Variants in PTPRA observed in about 807,000 individuals in gnomAD.
PTPRA encodes protein tyrosine phosphatase receptor type A, also known as receptor-type tyrosine-protein phosphatase alpha.
Under a neutral mutation model 104.8 loss-of-function variants are expected in PTPRA, and 25 were observed. That is an observed-to-expected ratio of 0.24 (90% CI 0.17 to 0.33). The LOEUF is 0.33. Ranked by LOEUF, PTPRA falls within the 10% of genes least tolerant of loss-of-function variation. PTPRA has a pLI of 1.00. For synonymous variants in PTPRA, 323 were observed against 368.9 expected (o/e 0.88, Z 1.43); for missense variants, 765 against 1,015.3 (o/e 0.75, Z 3.35).
At chr20:2,967,273 G>A (rs114435185) in intron 5 of PTPRA, among the ~76,000 whole-genome samples, 3,597 of 152,198 alleles carry the variant, frequency 0.024, 122 homozygotes, top group African/African-American at 0.069. Flanking sequence ...CACAGTTCAC[G>A]TCATAGGAGG....
chr20:2,910,145 T>C (rs1368170701), intron 1 of PTPRA, among the ~76,000 whole-genome samples: 1 of 99,210 alleles, frequency 1.0e-5, no homozygotes, highest in Non-Finnish European at 1.9e-5. Flanking sequence ...TATAACATCA[T>C]ATATACTATA....
At chr20:3,001,260 C>T (rs1469808362) in intron 9 of PTPRA, among the ~76,000 whole-genome samples, 3 of 152,174 alleles carry the variant, frequency 2.0e-5, no homozygotes, top group South Asian at 2.1e-4. Context: ...TTGCATCTAG[C>T]GCTGTGTTCT....
At chr20:2,947,961 T>G in intron 2 of PTPRA, 21 bp from the exon 3 acceptor site, 1 of 1,040,722 alleles carries the variant, frequency 9.6e-7, no homozygotes, top group Non-Finnish European at 1.3e-6. Flanking sequence ...AATTAACTGT[T>G]TTTTATTTCT....
At position 2,982,277 on chromosome 20, in the gene PTPRA, C is replaced by T. The variant is rs137969315; in HGVS notation, c.443-4488C>T. Among the ~76,000 whole-genome samples, 908 of 151,848 alleles carry T rather than the reference C, an allele frequency of 6.0e-3. 7 individuals are homozygous for T. Among genetic ancestry groups the T allele is most frequent in the African/African-American group, 0.02 (840 of 41,396 alleles). On this transcript the variant is annotated intron_variant, in intron 6 of 23. Coordinates refer to ENST00000399903, the MANE Select transcript of PTPRA (RefSeq NM_001385305.1). Reference sequence around the variant, plus strand: ...GCTAATTTTGTATTTTTAGCAGAGACGGGGTTTCACCATATTGGCCAGGCT... The same window carrying T: ...GCTAATTTTGTATTTTTAGCAGAGATGGGGTTTCACCATATTGGCCAGGCT...
At chr20:2,878,859 G>C (rs1249827784) in intron 1 of PTPRA, among the ~76,000 whole-genome samples, 1 of 152,182 alleles carries the variant, frequency 6.6e-6, no homozygotes, top group Non-Finnish European at 1.5e-5. Flanking sequence ...AAGAAGTACA[G>C]TGCTGTGATA....
intron 9 of PTPRA, among the ~76,000 whole-genome samples, chr20:2,989,997 A>T (rs973016636): frequency 6.6e-6 from 1 of 152,212 alleles, no homozygotes; most frequent in African/African-American, 2.4e-5. Flanking sequence ...AGCCTGGGCA[A>T]CAGAGGGAGA....
intron 3 of PTPRA, among the ~76,000 whole-genome samples, chr20:2,959,346 T>A (rs1331557411): frequency 6.6e-6 from 1 of 152,192 alleles, no homozygotes; most frequent in Admixed American, 6.6e-5. Flanking sequence ...TGATCTCTTC[T>A]GATTTGGAAA....
intron 20 of PTPRA, among the ~76,000 whole-genome samples, chr20:3,034,300 T>G (rs1052107559): frequency 3.3e-5 from 5 of 152,140 alleles, no homozygotes; most frequent in African/African-American, 1.2e-4. Context: ...ACTCTTAGTG[T>G]TGATACCTAG....
rs8125842 is a variant in PTPRA at position 3,035,362 on chromosome 20, G to C, written c.1921-223G>C. Among the ~76,000 whole-genome samples, 193 of 152,326 alleles carry C rather than the reference G, an allele frequency of 1.3e-3. No individual in the cohort carries two copies. Among genetic ancestry groups the C allele is most frequent in the African/African-American group, 4.4e-3 (181 of 41,574 alleles). ...GATACCCTGTGAGCCTGTAGTCAGAGTCCTTTACAGACCCCGGCAGTGTTT... is the reference window on the plus strand; with the variant it reads ...GATACCCTGTGAGCCTGTAGTCAGACTCCTTTACAGACCCCGGCAGTGTTT... On this transcript the variant is annotated intron_variant, in intron 20 of 23. Coordinates refer to ENST00000399903, the MANE Select transcript of PTPRA (RefSeq NM_001385305.1). This position sits in a 1 kb window ranked among gnomAD's most constrained non-coding sequence, Gnocchi z 5.8.
At chr20:2,991,647 T>C (rs1270439048) in intron 9 of PTPRA, among the ~76,000 whole-genome samples, 2 of 152,128 alleles carry the variant, frequency 1.3e-5, no homozygotes, top group East Asian at 3.9e-4. Context: ...CCCTGGATGG[T>C]GATGGTATTC....
chr20:2,988,027 A>T lies in PTPRA; in HGVS notation c.528-5A>T. 3 of 1,554,190 alleles carry T rather than the reference A, an allele frequency of 1.9e-6. No homozygotes were observed. The highest frequency in any genetic ancestry group is 2.7e-6 in the Non-Finnish European group (3 of 1,125,574). On this transcript the variant is annotated splice_region_variant and splice_polypyrimidine_tract_variant and intron_variant, in intron 7 of 23. Transcript: ENST00000399903. ...CATTCTTCACTGTGATCATTTTCTCATTAGGTTTAAGAAATACAAGCAAGC... is the reference window on the plus strand; with the variant it reads ...CATTCTTCACTGTGATCATTTTCTCTTTAGGTTTAAGAAATACAAGCAAGC...
chr20:2,981,194 A>G (rs1390299770), intron 6 of PTPRA, among the ~76,000 whole-genome samples: 3 of 152,216 alleles, frequency 2.0e-5, no homozygotes, highest in Admixed American at 6.5e-5. Flanking sequence ...CAGTAACTGA[A>G]TAATATTAGA....
chr20:2,962,810 G>C (rs754286998), intron 3 of PTPRA, among the ~76,000 whole-genome samples: 1 of 152,254 alleles, frequency 6.6e-6, no homozygotes, highest in East Asian at 1.9e-4. Context: ...TGCTAGGCAC[G>C]GCTGCTGGTA....
intron 1 of PTPRA, among the ~76,000 whole-genome samples, chr20:2,921,117 C>T (rs748740518): frequency 2.0e-5 from 3 of 152,072 alleles, no homozygotes; most frequent in South Asian, 4.1e-4. Flanking sequence ...TTTGCTTGCC[C>T]GGTTACTGTC....
intron 17 of PTPRA, among the ~76,000 whole-genome samples, chr20:3,026,092 C>T (rs1479878976): frequency 2.6e-5 from 4 of 151,676 alleles, no homozygotes; most frequent in African/African-American, 4.8e-5. Context: ...TCTACAGGCA[C>T]GTGCCACTAC....
chr20:2,868,254 TCA>T, the PTPRA span, among the ~76,000 whole-genome samples: 1 of 150,820 alleles, frequency 6.6e-6, no homozygotes, highest in Non-Finnish European at 1.5e-5. Context: ...AGAGTATTTG[TCA>T]CAGCAGTAAT....
chr20:2,906,131 A>G (rs1449692069), intron 1 of PTPRA, among the ~76,000 whole-genome samples: 3 of 152,254 alleles, frequency 2.0e-5, no homozygotes, highest in African/African-American at 7.2e-5. Context: ...ATGAATATGC[A>G]AGAGAGAACA....
At chr20:2,906,206 G>A (rs2059423304) in intron 1 of PTPRA, among the ~76,000 whole-genome samples, 1 of 152,118 alleles carries the variant, frequency 6.6e-6, no homozygotes. Context: ...CGTAATATTG[G>A]CAGGTGACAT....
intron 7 of PTPRA, among the ~76,000 whole-genome samples, 196 bp downstream of exon 7, chr20:2,987,045 A>G (rs148508529): frequency 1.3e-5 from 2 of 152,242 alleles, no homozygotes; most frequent in East Asian, 3.9e-4. Context: ...TTAAGTCCTA[A>G]GCCCTCCCTC....
Sources: allele counts gnomAD v4.1 joint callset (sites outside exome capture counted in the v4.1 genomes callset), GRCh38; gene constraint gnomAD v4.1.1; non-coding constraint Gnocchi (gnomAD v3.1); transcripts MANE v1.5; gene names NCBI Gene and HGNC (gene_info 2026-07-23, HGNC 2026-07-21).